The following AGTPBP1 variants were observed in gnomAD, a reference collection of about 807,000 sequenced individuals.
AGTPBP1 encodes ATP/GTP binding carboxypeptidase 1.
AGTPBP1 carries 70 observed loss-of-function variants against 143.9 expected under a neutral mutation model. That is an observed-to-expected ratio of 0.49 (90% CI 0.40 to 0.59). AGTPBP1 has a LOEUF of 0.59. AGTPBP1 is among the 20% of genes least tolerant of loss of function. The pLI, the probability that AGTPBP1 is intolerant of heterozygous loss-of-function variation, is 0.00. For missense variants in AGTPBP1, 1,229 were observed against 1,464.5 expected, an observed-to-expected ratio of 0.84 and a Z score of 2.62; for synonymous variants, 463 against 500.2, an observed-to-expected ratio of 0.93 and a Z score of 0.99.
At chr9:85,728,775 G>GAAA (rs972562298) in intron 1 of AGTPBP1, among the ~76,000 whole-genome samples, 1 of 135,366 alleles carries the variant, frequency 7.4e-6, no homozygotes, top group Admixed American at 7.4e-5. Flanking sequence ...TTGCCAATCA[G>GAAA]AAAAAAAAAA....
intron 25 of AGTPBP1, 48 bp from the exon 26 acceptor site, chr9:85,547,334 G>A: frequency 2.8e-6 from 4 of 1,444,246 alleles, no homozygotes; most frequent in Non-Finnish European, 3.7e-6. Flanking sequence ...AGGTCTTAAG[G>A]TCCTAATATA....
chr9:85,781,448 A>G, the AGTPBP1 span: 2 of 1,348,830 alleles, frequency 1.5e-6, no homozygotes, highest in Non-Finnish European at 2.0e-6. Context: ...TGTAGCCTTT[A>G]CCAATTGATT....
At chr9:85,640,490 G>A (rs925418361) in intron 13 of AGTPBP1, among the ~76,000 whole-genome samples, 1 of 152,058 alleles carries the variant, frequency 6.6e-6, no homozygotes, top group Non-Finnish European at 1.5e-5. Context: ...AGCATCTTTC[G>A]CTTAAAGAAA....
intron 6 of AGTPBP1, among the ~76,000 whole-genome samples, chr9:85,673,728 G>T (rs996114977): frequency 6.6e-6 from 1 of 152,056 alleles, no homozygotes; most frequent in Admixed American, 6.6e-5. Context: ...CAGGTAATGG[G>T]TATATTAAAT....
At chr9:85,600,172 A>C (rs1272303220) in intron 17 of AGTPBP1, among the ~76,000 whole-genome samples, 2 of 152,210 alleles carry the variant, frequency 1.3e-5, no homozygotes, top group Non-Finnish European at 2.9e-5. Flanking sequence ...TTAAAGTGGA[A>C]GCATGTTAAA....
intron 14 of AGTPBP1, among the ~76,000 whole-genome samples, chr9:85,626,978 C>T (rs1327935999): frequency 2.6e-5 from 4 of 152,108 alleles, no homozygotes; most frequent in Non-Finnish European, 4.4e-5. Context: ...GCACACAGAC[C>T]GCAGTATGCC....
chr9:85,587,217 T>C (rs1828671101), intron 21 of AGTPBP1, among the ~76,000 whole-genome samples: 1 of 152,176 alleles, frequency 6.6e-6, no homozygotes, highest in South Asian at 2.1e-4. Flanking sequence ...ATAATCAAAA[T>C]TTTCAAAGTA....
intron 25 of AGTPBP1, among the ~76,000 whole-genome samples, chr9:85,572,002 G>GTTTT (rs1564019568): frequency 1.2e-5 from 1 of 85,308 alleles, no homozygotes; most frequent in Non-Finnish European, 2.6e-5. Context: ...TTGTTTGTGT[G>GTTTT]TGTTTTTTTT....
chr9:85,612,953 C>T (rs569928699), intron 17 of AGTPBP1, among the ~76,000 whole-genome samples: 1 of 151,596 alleles, frequency 6.6e-6, no homozygotes, highest in African/African-American at 2.4e-5. Context: ...ATATTATTTT[C>T]CAAGTGCCCA....
chr9:85,577,371 C>T (rs1317507396), intron 24 of AGTPBP1, among the ~76,000 whole-genome samples: 1 of 152,158 alleles, frequency 6.6e-6, no homozygotes, highest in Non-Finnish European at 1.5e-5. Flanking sequence ...CTAGAAATCA[C>T]CTATATTCTT....
intron 25 of AGTPBP1, among the ~76,000 whole-genome samples, chr9:85,571,214 G>A (rs556586300): frequency 9.4e-4 from 143 of 152,228 alleles, no homozygotes; most frequent in Middle Eastern, 6.8e-3. Flanking sequence ...TACTAGCACC[G>A]AGGCTTACAT....
the AGTPBP1 span, among the ~76,000 whole-genome samples, chr9:85,772,984 G>A: frequency 8.6e-5 from 13 of 151,994 alleles, no homozygotes; most frequent in South Asian, 4.1e-4. Context: ...TGAAAGTGTC[G>A]GCTGGGCACA....
rs147024207 is a variant in AGTPBP1, at chr9:85,546,983, T to C, written c.*126A>G. ...CACATTTATTATCTTGAAACCAAAC[T>C]GGCCCAAGTTACTTTTTGTCTTTTT... is the stretch of plus-strand genomic sequence containing the variant. On this transcript the variant is annotated 3_prime_UTR_variant, in exon 26 of 26. Coordinates refer to ENST00000357081, the MANE Select transcript of AGTPBP1 (RefSeq NM_001330701.2). The C allele has an allele frequency of 5.5e-4, 501 of 916,464 alleles. 4 individuals are homozygous for C. In the East Asian group the frequency reaches 0.015, roughly 27 times the overall value. 56.8% of individuals were successfully genotyped at this position (916,464 alleles called of 1,614,324 possible). A position where few individuals can be genotyped will look rare whatever the true frequency, so the allele number is the denominator to read the frequency against.
intron 1 of AGTPBP1, among the ~76,000 whole-genome samples, chr9:85,728,231 G>C (rs1838648376): frequency 6.6e-6 from 1 of 151,966 alleles, no homozygotes; most frequent in Non-Finnish European, 1.5e-5. Context: ...ATATTGAAAA[G>C]GAAAAGTAAA....
At chr9:85,623,485 T>C (rs190667614) in intron 14 of AGTPBP1, among the ~76,000 whole-genome samples, 2 of 152,246 alleles carry the variant, frequency 1.3e-5, no homozygotes, top group Non-Finnish European at 2.9e-5. Flanking sequence ...CAGGGCATGG[T>C]GGCTCGTGCC....
At chr9:85,563,136 T>C (rs1030395074) in intron 25 of AGTPBP1, among the ~76,000 whole-genome samples, 13 of 152,212 alleles carry the variant, frequency 8.5e-5, no homozygotes, top group African/African-American at 3.1e-4. Context: ...GTGTACGGTA[T>C]TTTGTCACAG....
chr9:85,617,556 A>C (rs1830664636), intron 17 of AGTPBP1, among the ~76,000 whole-genome samples: 2 of 152,294 alleles, frequency 1.3e-5, no homozygotes, highest in South Asian at 4.1e-4. Context: ...ATATTAAAGT[A>C]CTAAACACAA....
At chr9:85,732,593 T>C (rs1238803044) in intron 1 of AGTPBP1, among the ~76,000 whole-genome samples, 1 of 152,006 alleles carries the variant, frequency 6.6e-6, no homozygotes, top group Admixed American at 6.6e-5. Context: ...ATATGGCATA[T>C]AAAAAACAAA....
intron 8 of AGTPBP1, among the ~76,000 whole-genome samples, chr9:85,664,760 A>G (rs1342311036): frequency 6.6e-6 from 1 of 152,166 alleles, no homozygotes; most frequent in Non-Finnish European, 1.5e-5. Flanking sequence ...GGCACTAAAC[A>G]ATCTGCTGAT....
Sources: allele counts gnomAD v4.1 joint callset (sites outside exome capture counted in the v4.1 genomes callset), GRCh38; gene constraint gnomAD v4.1.1; transcripts MANE v1.5; gene names NCBI Gene and HGNC (gene_info 2026-07-23, HGNC 2026-07-21).